The following MYL6 variants were observed in gnomAD, a reference collection of about 807,000 sequenced individuals.
The protein encoded by MYL6 is myosin light chain 6.
Under a neutral mutation model 20.3 loss-of-function variants are expected in MYL6, and 20 were observed. That is an observed-to-expected ratio of 0.98 (90% CI 0.69 to 1.43). The LOEUF (loss-of-function observed/expected upper bound fraction) is 1.43, where lower values mean the gene tolerates loss of function less well. Among genes scored for constraint, MYL6 ranks in the 40% most tolerant of loss-of-function variants. MYL6 has a pLI of 0.00. For missense variants in MYL6, 164 were observed against 191.0 expected (o/e 0.86, Z 0.83); for synonymous variants, 77 against 72.4 (o/e 1.06, Z -0.32).
At chr12:56,159,480 G>A in intron 2 of MYL6, 107 bp from the exon 3 acceptor site, 1 of 1,437,478 alleles carries the variant, frequency 7.0e-7, no homozygotes, top group African/African-American at 1.4e-5. Flanking sequence ...GTTTGGTGCA[G>A]ATATCTCGTT....
Position 56,160,205 on chromosome 12 carries a change from G to T in MYL6, c.350-38G>T, listed in dbSNP as rs559915648. The T allele has an allele frequency of 1.6e-5, 25 of 1,603,634 alleles. 1 individual carries two copies. In the South Asian group the frequency reaches 2.7e-4, roughly 18 times the overall value. The stretch of plus-strand genomic sequence containing the variant: ...GATGGCACCCTGAGGTACCTCACTT[G>T]TCACCCAATTCCAAAAATGCTTTCT... On this transcript the variant is annotated intron_variant, in intron 4 of 6. Transcript: ENST00000550697.
intron 2 of MYL6, chr12:56,158,974 T>A (rs191194734): frequency 1.4e-6 from 2 of 1,383,192 alleles, no homozygotes; most frequent in African/African-American, 1.5e-5. Context: ...TAATGCCTGC[T>A]GTGTGTGGGG....
Position 56,161,003 on chromosome 12 carries a change from G to A in MYL6, c.*16+333G>A, listed in dbSNP as rs966318824. 29 of 561,510 alleles carry A rather than the reference G, an allele frequency of 5.2e-5. No individual in the cohort carries two copies. The South Asian group carries it at 5.7e-4, about 11-fold the overall frequency. 34.8% of individuals were successfully genotyped at this position (561,510 alleles called of 1,614,324 possible). On this transcript the variant is annotated intron_variant, in intron 6 of 6. Transcript: ENST00000550697. ...GGGTAGCTGGCATAGAGGGGTATGG[G>A]TTGCCTGCCCCATTCTGCTGCTATA...
Position 56,161,469 on chromosome 12 carries a change from C to A in MYL6, c.*99C>A. ...GCCTTTCCCTGTGTGAATTTTGTATCTAGCCTAAAGTTTCCCTAGGCTTTC... is the reference window on the plus strand; with the variant it reads ...GCCTTTCCCTGTGTGAATTTTGTATATAGCCTAAAGTTTCCCTAGGCTTTC... On this transcript the variant is annotated 3_prime_UTR_variant, in exon 7 of 7. Coordinates refer to ENST00000550697, the MANE Select transcript of MYL6 (RefSeq NM_021019.5). 6.2e-7 allele frequency: 1 copy of A among 1,600,852 alleles called. No homozygotes were observed. The highest frequency in any genetic ancestry group is 8.6e-7 in the Non-Finnish European group (1 of 1,168,062).
chr12:56,160,731 C>G, intron 6 of MYL6, 61 bp downstream of exon 6: 1 of 1,561,746 alleles, frequency 6.4e-7, no homozygotes, highest in South Asian at 1.1e-5. Flanking sequence ...TTTCCCCAAC[C>G]TGTGCTCTTT....
chr12:56,161,103 C>A (rs554165197), intron 6 of MYL6: 20 of 588,312 alleles, frequency 3.4e-5, no homozygotes, highest in Non-Finnish European at 5.5e-5. Flanking sequence ...CCTCTCCTCC[C>A]GCCAGTGGCT....
chr12:56,160,566 T>C (rs1871705830), intron 5 of MYL6, 60 bp from the exon 6 acceptor site: 1 of 1,577,844 alleles, frequency 6.3e-7, no homozygotes, highest in Non-Finnish European at 8.7e-7. Context: ...CCCCACTGCC[T>C]GACCCCTCAC....
intron 2 of MYL6, 29 bp downstream of exon 2, chr12:56,158,740 C>A: frequency 1.2e-6 from 2 of 1,613,394 alleles, no homozygotes; most frequent in Non-Finnish European, 1.7e-6. Flanking sequence ...CTACCGAGGT[C>A]ACCCTTAGGG....
intron 6 of MYL6, 134 bp from the exon 7 acceptor site, chr12:56,161,253 C>A (rs1871838157): frequency 1.9e-6 from 2 of 1,071,054 alleles, no homozygotes; most frequent in Non-Finnish European, 2.9e-6. Flanking sequence ...GGCTCCTCTG[C>A]AAACTGACCC....
intron 2 of MYL6, chr12:56,159,075 C>A: frequency 1.9e-6 from 1 of 538,184 alleles, no homozygotes; most frequent in Non-Finnish European, 2.9e-6. Flanking sequence ...ACTGTCCCCG[C>A]CCTCCCAGCT....
rs1400623407 is a variant in MYL6 at position 56,160,005 on chromosome 12, A to G, written c.206A>G (p.His69Arg). 1 of 1,613,642 alleles carries G rather than the reference A, an allele frequency of 6.2e-7. No individual in the cohort carries two copies. Among genetic ancestry groups the G allele is most frequent in the African/African-American group, 1.3e-5 (1 of 74,896 alleles). The change falls in exon 4 of 7, where the codon CAC (histidine) becomes CGC (arginine). Residue 69 changes from histidine to arginine, a missense_variant. Transcript: ENST00000550697. The stretch of plus-strand genomic sequence containing the variant: ...AATGTGAAGGTGCTGGACTTTGAGC[A>G]CTTTCTGCCCATGCTGCAGACAGTG... ...EMNVKVLDFE[H>R]FLPMLQTVAK...
At chr12:56,161,293 CT>C in intron 6 of MYL6, 93 bp from the exon 7 acceptor site, 1 of 1,500,388 alleles carries the variant, frequency 6.7e-7, no homozygotes, top group Non-Finnish European at 9.3e-7. Flanking sequence ...CATGTTCCCG[CT>C]TATGCTACCT....
intron 1 of MYL6, 24 bp from the exon 2 acceptor site, chr12:56,158,660 A>C: frequency 6.2e-7 from 1 of 1,613,950 alleles, no homozygotes; most frequent in Non-Finnish European, 8.5e-7. Flanking sequence ...TCAGATGCTG[A>C]CCACTTCCCT....
At chr12:56,160,538 A>C in intron 5 of MYL6, 88 bp from the exon 6 acceptor site, 1 of 1,485,718 alleles carries the variant, frequency 6.7e-7, no homozygotes, top group Non-Finnish European at 9.4e-7. Flanking sequence ...ATGAGAAGTG[A>C]AATAATGGAA....
chr12:56,160,488 C>G, intron 5 of MYL6, 138 bp from the exon 6 acceptor site: 2 of 1,414,764 alleles, frequency 1.4e-6, no homozygotes, highest in Non-Finnish European at 2.0e-6. Context: ...GGCGGTATAA[C>G]AGGAAAGGAA....
In MYL6 at chr12:56,161,515, T is replaced by A. The variant is rs1871869271; in HGVS notation, c.*145T>A. The A allele has an allele frequency of 2.2e-6, 3 of 1,383,180 alleles. No individual in the cohort carries two copies. The highest frequency in any genetic ancestry group is 3.1e-6 in the Non-Finnish European group (3 of 973,504). 85.7% of individuals were successfully genotyped at this position (1,383,180 alleles called of 1,614,324 possible). A position where few individuals can be genotyped will look rare whatever the true frequency, so the allele number is the denominator to read the frequency against. ...CTTTCTTGTCTCAGCAACTTTCCCA[T>A]CTTGTCTCTCTTGGATGATGTTTGC... On this transcript the variant is annotated 3_prime_UTR_variant, in exon 7 of 7. Coordinates refer to ENST00000550697, the MANE Select transcript of MYL6 (RefSeq NM_021019.5).
intron 3 of MYL6, 62 bp from the exon 4 acceptor site, chr12:56,159,913 T>C: frequency 6.4e-7 from 1 of 1,557,730 alleles, no homozygotes; most frequent in Non-Finnish European, 8.7e-7. Flanking sequence ...GTCTCTATAA[T>C]CCCCTGTCCT....
chr12:56,160,212 A>C, intron 4 of MYL6, 31 bp from the exon 5 acceptor site: 1 of 1,614,070 alleles, frequency 6.2e-7, no homozygotes, highest in Middle Eastern at 1.7e-4. Context: ...CTTGTCACCC[A>C]ATTCCAAAAA....
At chr12:56,158,644 T>G in intron 1 of MYL6, 40 bp from the exon 2 acceptor site, 1 of 1,614,104 alleles carries the variant, frequency 6.2e-7, no homozygotes, top group Non-Finnish European at 8.5e-7. Flanking sequence ...CTCGGGGGAT[T>G]GGCGTTCAGA....
Sources: allele counts gnomAD v4.1 joint callset, GRCh38; gene constraint gnomAD v4.1.1; transcripts MANE v1.5; gene names NCBI Gene and HGNC (gene_info 2026-07-23, HGNC 2026-07-21).